Variants in UFSP2 observed in about 807,000 individuals in gnomAD.
The protein encoded by UFSP2 is ufm1-specific protease 2.
In UFSP2, 43 loss-of-function variants were observed where a neutral mutation model predicts 60.2. That is an observed-to-expected ratio of 0.71 (90% confidence interval 0.56 to 0.92). UFSP2 has a LOEUF of 0.92. UFSP2 is among the 40% of genes least tolerant of loss of function. UFSP2 has a pLI of 0.00. For synonymous variants in UFSP2, 183 were observed against 195.1 expected (o/e 0.94, Z 0.52); for missense variants, 520 against 575.0 (o/e 0.90, Z 0.98).
In UFSP2 at chr4:185,415,316, T is replaced by G. The variant is rs1180118085; in HGVS notation, c.523A>C (p.Asn175His). The G allele has an allele frequency of 6.3e-7, 1 of 1,596,288 alleles. No individual in the cohort carries two copies. Among genetic ancestry groups the G allele is most frequent in the Admixed American group, 1.9e-5 (1 of 53,098 alleles). The change falls in exon 6 of 12, where the codon AAT becomes CAT. Residue 175 changes from asparagine to histidine, a missense_variant. Physicochemically the swap from Asn to His is moderately conservative, Grantham distance 68. Coordinates refer to ENST00000264689, the MANE Select transcript of UFSP2 (RefSeq NM_018359.5). The part of the protein sequence containing the change: ...VRKLLVDAIH[N>H]QLTDMEKCIL... ...CATTTTTCCATGTCAGTTAGTTGAT[T>G]ATGAATTGCATCAACCAGGAGTTTA... is the stretch of plus-strand genomic sequence containing the variant.
At position 185,400,103 on chromosome 4, in the gene UFSP2, G is replaced by T; in HGVS notation, c.*289C>A. The T allele has an allele frequency of 3.2e-6, 4 of 1,266,936 alleles. No homozygotes were observed. The highest frequency in any genetic ancestry group is 1.9e-4 in the Middle Eastern group (1 of 5,264). 78.5% of individuals were successfully genotyped at this position (1,266,936 alleles called of 1,614,324 possible). ...CCTGCTTTTGGCTTTACCATATGTT[G>T]TGTCTAATCTCCTTCTGAGAAGGAC... On this transcript the variant is annotated 3_prime_UTR_variant, in exon 12 of 12. Coordinates refer to ENST00000264689, the MANE Select transcript of UFSP2 (RefSeq NM_018359.5).
intron 7 of UFSP2, among the ~76,000 whole-genome samples, chr4:185,410,543 G>A (rs2095527421): frequency 6.6e-6 from 1 of 152,178 alleles, no homozygotes; most frequent in Non-Finnish European, 1.5e-5. Context: ...AGCTACTGGG[G>A]AGGCTGAGGC....
At position 185,399,773 on chromosome 4, in the gene UFSP2, GGTAA is replaced by G. The variant is rs769488752; in HGVS notation, c.*615_*618del. ...AATACCAGTGGGAAAAGGAAGTGCT[GGTAA>G]GTAACTCAGAGCTGCTGCTTTTTTC... On this transcript the variant is annotated 3_prime_UTR_variant, in exon 12 of 12. Coordinates refer to ENST00000264689, the MANE Select transcript of UFSP2 (RefSeq NM_018359.5). 28 of 1,613,794 alleles carry G rather than the reference GGTAA, an allele frequency of 1.7e-5. No homozygotes were observed. In the African/African-American group the frequency reaches 2.9e-4, roughly 17 times the overall value.
At chr4:185,418,891 A>T (rs953454413) in intron 2 of UFSP2, 121 bp from the exon 3 acceptor site, 12 of 753,942 alleles carry the variant, frequency 1.6e-5, no homozygotes, top group Non-Finnish European at 2.3e-5. Flanking sequence ...ATATTCAATA[A>T]TAATTTCAAA....
rs2095523879 is a variant in UFSP2 at position 185,408,318 on chromosome 4, G to C, written c.949C>G (p.Gln317Glu). Residue 317 changes from glutamine (Q) to glutamate (E), a missense_variant, in exon 8 of 12, where the codon CAG (glutamine) becomes GAG (glutamate). By Grantham distance (29) the Gln-to-Glu change is conservative. Transcript: ENST00000264689. ...GGAATGGACCTCTCTGTGTATCCCT[G>C]ATGTTTGAACCAAGAGCAGATAGTC... ...LQTICSWFKH[Q>E]GYTERSIPTH... 2 of 1,614,038 alleles carry C rather than the reference G, an allele frequency of 1.2e-6. No individual in the cohort carries two copies. The highest frequency in any genetic ancestry group is 2.7e-5 in the African/African-American group (2 of 74,932).
chr4:185,400,104 T>C lies in UFSP2; in HGVS notation c.*288A>G. 7.9e-7 allele frequency: 1 copy of C among 1,261,478 alleles called. No homozygotes were observed. The highest frequency in any genetic ancestry group is 1.1e-6 in the Non-Finnish European group (1 of 891,272). The allele number at this position is 1,261,478 out of a possible 1,614,324, so 78.1% of individuals were successfully genotyped here. ...CTGCTTTTGGCTTTACCATATGTTGTGTCTAATCTCCTTCTGAGAAGGACG... is the reference window on the plus strand; with the variant it reads ...CTGCTTTTGGCTTTACCATATGTTGCGTCTAATCTCCTTCTGAGAAGGACG... On this transcript the variant is annotated 3_prime_UTR_variant, in exon 12 of 12. Coordinates refer to ENST00000264689, the MANE Select transcript of UFSP2 (RefSeq NM_018359.5).
chr4:185,418,302 T>C, intron 4 of UFSP2, 139 bp downstream of exon 4: 1 of 620,630 alleles, frequency 1.6e-6, no homozygotes. Flanking sequence ...CATATAACTT[T>C]TGGCAAGTCA....
chr4:185,420,268 T>C (rs374311342), intron 2 of UFSP2, among the ~76,000 whole-genome samples: 27 of 152,284 alleles, frequency 1.8e-4, no homozygotes, highest in African/African-American at 6.3e-4. Context: ...TAATAGACTT[T>C]TTAAAAAATA....
chr4:185,423,800 A>T (rs528487986), intron 1 of UFSP2, among the ~76,000 whole-genome samples: 4 of 152,196 alleles, frequency 2.6e-5, no homozygotes, highest in African/African-American at 9.6e-5. Context: ...TCATACATAT[A>T]TACATACATA....
rs183336541 is a variant in UFSP2, at chr4:185,405,555, G to A, written c.1198+225C>T. On this transcript the variant is annotated intron_variant, in intron 10 of 11. Coordinates refer to ENST00000264689, the MANE Select transcript of UFSP2 (RefSeq NM_018359.5). The stretch of plus-strand genomic sequence containing the variant: ...TCAGCTCTTTAAATGTTTGAACATA[G>A]CTACCATTTCTCAGCCTTTACTTCT... Among the ~76,000 whole-genome samples the A allele has an allele frequency of 1.3e-3, 205 of 152,204 alleles. 5 individuals are homozygous for A. The highest frequency in any genetic ancestry group is 0.013 in the Admixed American group (204 of 15,294).
rs2095542992 is a variant in UFSP2, at chr4:185,418,337, T to A, written c.333+104A>T. On this transcript the variant is annotated intron_variant, in intron 4 of 11. Transcript: ENST00000264689. ...ATTTAATCTTTTTGGACATCAATATTCTGACCTATGATAAGAGGGTTAAAT... is the reference window on the plus strand; with the variant it reads ...ATTTAATCTTTTTGGACATCAATATACTGACCTATGATAAGAGGGTTAAAT... 4.7e-6 allele frequency: 4 copies of A among 854,528 alleles called. No homozygotes were observed. The South Asian group carries it at 7.6e-5, about 16-fold the overall frequency. The allele number at this position is 854,528 out of a possible 1,614,324, so 52.9% of individuals were successfully genotyped here.
rs895527709 is a variant in UFSP2, at chr4:185,400,384, A to T, written c.*8T>A. 4 of 1,605,894 alleles carry T rather than the reference A, an allele frequency of 2.5e-6. No homozygotes were observed. Among genetic ancestry groups the T allele is most frequent in the Non-Finnish European group, 3.4e-6 (4 of 1,173,994 alleles). On this transcript the variant is annotated 3_prime_UTR_variant, in exon 12 of 12. Coordinates refer to ENST00000264689, the MANE Select transcript of UFSP2 (RefSeq NM_018359.5). ...CCACTCTACTGCAGTCTTTGACTCC[A>T]AGATATTTTAAATCATATTTGGTCG...
At chr4:185,402,441 G>GTTTATACCCTTATCA (rs2095514474) in intron 11 of UFSP2, 25 of 378,910 alleles carry the variant, frequency 6.6e-5, no homozygotes, top group South Asian at 4.9e-4. Context: ...AAAGACTTCA[G>GTTTATACCCTTATCA]TAAACTGAGG....
At position 185,400,412 on chromosome 4, in the gene UFSP2, G is replaced by A; in HGVS notation, c.1390C>T (p.Gln464Ter). The A allele has an allele frequency of 3.7e-6, 6 of 1,613,390 alleles. No individual in the cohort carries two copies. The highest frequency in any genetic ancestry group is 5.1e-6 in the Non-Finnish European group (6 of 1,179,576). Residue 464 changes from glutamine (Q) to a stop codon, truncating the protein, a stop_gained, in exon 12 of 12, where the codon CAG becomes TAG. Transcript: ENST00000264689. LOFTEE classifies it high-confidence loss of function. ...ATATTTTAAATCATATTTGGTCGCT[G>A]AGGAAGACATAAGTTATAGTATGCA... Reference protein sequence around the residue: ...KDAYYNLCLPQRPNMI With the variant: ...KDAYYNLCLP
chr4:185,404,998 A>ATT (rs2095518560), intron 10 of UFSP2, among the ~76,000 whole-genome samples: 1 of 105,100 alleles, frequency 9.5e-6, no homozygotes. Flanking sequence ...GCCTACCTCC[A>ATT]TTTCTTTTTT....
intron 2 of UFSP2, among the ~76,000 whole-genome samples, chr4:185,420,514 TAAAC>T (rs1414662447): frequency 6.6e-6 from 1 of 151,952 alleles, no homozygotes; most frequent in Non-Finnish European, 1.5e-5. Context: ...AATAAATAAA[TAAAC>T]AACGACCATA....
chr4:185,415,673 C>T (rs1178835303), intron 5 of UFSP2, 37 bp downstream of exon 5: 1 of 1,569,572 alleles, frequency 6.4e-7, no homozygotes, highest in South Asian at 1.2e-5. Flanking sequence ...GAAGGGCCCT[C>T]ATTCAAATGT....
Position 185,407,382 on chromosome 4 carries a change from T to C in UFSP2, c.1121+554A>G, listed in dbSNP as rs530416285. Among the ~76,000 whole-genome samples the C allele has an allele frequency of 1.0e-3, 154 of 152,294 alleles. 1 individual carries two copies. Among genetic ancestry groups the C allele is most frequent in the African/African-American group, 3.7e-3 (152 of 41,568 alleles). ...AAATGTATTTTAAAACATAAGCTCA[T>C]ACAATCAGGAGTCAGCTAGTTATGG... On this transcript the variant is annotated intron_variant, in intron 9 of 11. Transcript: ENST00000264689.
chr4:185,421,456 AGAGT>A (rs1415553654), intron 2 of UFSP2, among the ~76,000 whole-genome samples: 2 of 152,162 alleles, frequency 1.3e-5, no homozygotes, highest in African/African-American at 4.8e-5. Flanking sequence ...CACAGTAATA[AGAGT>A]GAGTTCTCAC....
Sources: gnomAD v4.1 joint callset for allele counts (sites outside exome capture counted in the v4.1 genomes callset) on GRCh38, gnomAD v4.1.1 for gene constraint, MANE v1.5 for transcripts, NCBI Gene and HGNC (gene_info 2026-07-23, HGNC 2026-07-21) for gene names.